Variants in IGF2R observed in about 807,000 individuals in gnomAD.
IGF2R encodes cation-independent mannose-6-phosphate receptor.
IGF2R carries 91 observed loss-of-function variants against 270.6 expected under a neutral mutation model. The ratio of observed to expected loss-of-function variants is 0.34; its 90% CI spans 0.28 to 0.40. The LOEUF (loss-of-function observed/expected upper bound fraction) is 0.40, where lower values mean the gene tolerates loss of function less well. Ranked by LOEUF, IGF2R falls within the 10% of genes least tolerant of loss-of-function variation. The pLI is 1.00. For missense variants in IGF2R, 2,805 were observed against 3,188.3 expected, an observed-to-expected ratio of 0.88 and a Z score of 2.90; for synonymous variants, 1,316 against 1,258.9, an observed-to-expected ratio of 1.05 and a Z score of -0.96.
At chr6:160,028,792 C>G (rs564577528) in intron 6 of IGF2R, among the ~76,000 whole-genome samples, 2 of 148,668 alleles carry the variant, frequency 1.3e-5, no homozygotes, top group South Asian at 4.2e-4. Flanking sequence ...ATTGACTAGC[C>G]TTGTGGGCAA....
In IGF2R at chr6:159,998,355, T is replaced by C. The variant is rs1174931076; in HGVS notation, c.289+7032T>C. Reference sequence around the variant, plus strand: ...CTTACTTGAAGGATAATTTGTGAGCTTGGCCTCACTGGACAAAGTTTGAGT... The same window carrying C: ...CTTACTTGAAGGATAATTTGTGAGCCTGGCCTCACTGGACAAAGTTTGAGT... On this transcript the variant is annotated intron_variant, in intron 2 of 47. Coordinates refer to ENST00000356956, the MANE Select transcript of IGF2R (RefSeq NM_000876.4). The surrounding 1 kb of genome is among the most constrained non-coding windows in gnomAD (Gnocchi z 4.1). 6.6e-6 allele frequency among the ~76,000 whole-genome samples: 1 copy of C among 152,204 alleles called. No individual in the cohort carries two copies. Among genetic ancestry groups the C allele is most frequent in the East Asian group, 1.9e-4 (1 of 5,196 alleles).
rs1314307400 is a variant in IGF2R at position 160,078,218 on chromosome 6, A to G, written c.5334A>G (p.Leu1778=). 1 of 1,614,190 alleles carries G rather than the reference A, an allele frequency of 6.2e-7. No individual in the cohort carries two copies. The highest frequency in any genetic ancestry group is 1.1e-5 in the South Asian group (1 of 91,086). ...RGVSMGTPKL[L]RTSECDFVFE... ...GGCAACAGGGAACGCCTAAGCTGTTAAGGACCAGCGAGTGCGACTTTGTGT... is the reference window on the plus strand; with the variant it reads ...GGCAACAGGGAACGCCTAAGCTGTTGAGGACCAGCGAGTGCGACTTTGTGT... The change falls in exon 37 of 48, where the codon TTA becomes TTG. Residue 1778 remains leucine (L), a synonymous_variant. Coordinates refer to ENST00000356956, the MANE Select transcript of IGF2R (RefSeq NM_000876.4).
chr6:160,035,936 T>C (rs961707462), intron 10 of IGF2R, among the ~76,000 whole-genome samples: 2 of 152,120 alleles, frequency 1.3e-5, no homozygotes, highest in Non-Finnish European at 2.9e-5. Context: ...CCACACTACA[T>C]TGAGGAGCAT....
rs149846440 is a variant in IGF2R at position 160,040,564 on chromosome 6, C to T, written c.1320C>T (p.Asn440=). The T allele has an allele frequency of 1.8e-4, 285 of 1,613,794 alleles. No individual in the cohort carries two copies. The African/African-American group carries it at 3.1e-3, about 18-fold the overall frequency. Residue 440 remains asparagine, a synonymous_variant, in exon 11 of 48, where the codon AAC becomes AAT. Coordinates refer to ENST00000356956, the MANE Select transcript of IGF2R (RefSeq NM_000876.4). ...TTCTCCTCTTGAATTGTGCAGGTAA[C>T]GATGGGAAAGGAACTCCTGTATTCA... ...INFECNKTAG[N]DGKGTPVFTG...
Position 160,046,605 on chromosome 6 carries a change from C to A in IGF2R, c.2011C>A (p.Pro671Thr). ...INVCGPVSVS[P>T]CQPDSGACQV... is the part of the protein sequence containing the mutation. ...TGTGTGTGGCCCGGTGTCTGTGAGC[C>A]CCTGTCAGCCAGACTCAGGAGCCTG... The change falls in exon 15 of 48, where the codon CCC (proline) becomes ACC (threonine). Residue 671 changes from proline to threonine, a missense_variant. Physicochemically the swap from Pro to Thr is conservative, Grantham distance 38. Around this residue, in one of 2 missense-constraint regions of IGF2R, gnomAD observed 954 missense variants for 981.1 expected, o/e 0.97. Coordinates refer to ENST00000356956, the MANE Select transcript of IGF2R (RefSeq NM_000876.4). 2 of 1,613,610 alleles carry A rather than the reference C, an allele frequency of 1.2e-6. No individual in the cohort carries two copies. Among genetic ancestry groups the A allele is most frequent in the Non-Finnish European group, 8.5e-7 (1 of 1,179,932 alleles).
At chr6:160,091,581 T>G (rs566770759) in intron 44 of IGF2R, among the ~76,000 whole-genome samples, 1 of 152,324 alleles carries the variant, frequency 6.6e-6, no homozygotes, top group South Asian at 2.1e-4. Flanking sequence ...GAGTTGATGA[T>G]GGGAAAGTTG....
intron 26 of IGF2R, 100 bp from the exon 27 acceptor site, chr6:160,063,315 G>T (rs754185939): frequency 1.1e-6 from 1 of 890,192 alleles, no homozygotes; most frequent in Non-Finnish European, 1.9e-6. Context: ...GGGATTACAG[G>T]CGTGAGCCAC....
chr6:160,056,674 A>G, intron 20 of IGF2R, 149 bp downstream of exon 20: 1 of 641,652 alleles, frequency 1.6e-6, no homozygotes, highest in Non-Finnish European at 2.8e-6. Context: ...CAGGTCACCC[A>G]GAGTTCCTCT....
At position 160,089,172 on chromosome 6, in the gene IGF2R, C is replaced by A; in HGVS notation, c.6386C>A (p.Pro2129His). Residue 2129 changes from proline to histidine, a missense_variant, in exon 43 of 48, where the codon CCT (proline) becomes CAT (histidine). Pro to His is a moderately conservative substitution (Grantham distance 77). Around this residue, in one of 2 missense-constraint regions of IGF2R, gnomAD observed 1,851 missense variants for 2,207.2 expected, o/e 0.84. Transcript: ENST00000356956. ...TCCCGGGCTGCCTGCGCCGTGAAGC[C>A]TCAGGAGGTGCAGATGGTGAATGGG... The part of the protein sequence containing the change: ...WDSRAACAVK[P>H]QEVQMVNGTI... The A allele has an allele frequency of 6.2e-7, 1 of 1,614,068 alleles. No individual in the cohort carries two copies. The highest frequency in any genetic ancestry group is 8.5e-7 in the Non-Finnish European group (1 of 1,179,924).
intron 44 of IGF2R, chr6:160,095,659 A>G (rs529530519): frequency 3.3e-5 from 5 of 152,414 alleles, no homozygotes; most frequent in Admixed American, 3.3e-4. Context: ...CTAAGGTGGC[A>G]TTCCAAGTCT....
In IGF2R at chr6:160,078,205, C is replaced by T. The variant is rs756185232; in HGVS notation, c.5321C>T (p.Thr1774Met). 33 of 1,613,876 alleles carry T rather than the reference C, an allele frequency of 2.0e-5. 2 individuals carry two copies. The South Asian group carries it at 2.7e-4, about 13-fold the overall frequency. Residue 1774 changes from threonine to methionine, a missense_variant, in exon 37 of 48, where the codon ACG becomes ATG. Transcript: ENST00000356956. ...CCGTGCTCTTCCTGGCAACAGGGAA[C>T]GCCTAAGCTGTTAAGGACCAGCGAG... ...FHCKRGVSMG[T>M]PKLLRTSECD...
chr6:160,000,350 G>A (rs1022424324), intron 2 of IGF2R, among the ~76,000 whole-genome samples: 3 of 152,112 alleles, frequency 2.0e-5, no homozygotes, highest in Non-Finnish European at 4.4e-5. Flanking sequence ...GAGGAGTGGG[G>A]CGGTGCTACA....
At chr6:160,032,473 T>A (rs1477990331) in intron 7 of IGF2R, 78 bp from the exon 8 acceptor site, 1 of 1,357,720 alleles carries the variant, frequency 7.4e-7, no homozygotes, top group African/African-American at 1.5e-5. Context: ...GTCTTTGAGC[T>A]TTTCATAAGT....
intron 22 of IGF2R, 144 bp downstream of exon 22, chr6:160,059,242 T>G: frequency 1.5e-6 from 1 of 645,322 alleles, no homozygotes; most frequent in East Asian, 2.7e-5. Flanking sequence ...GCCATCACGG[T>G]GGTCTTCCTG....
At chr6:160,073,627 G>A (rs1266240559) in intron 34 of IGF2R, 130 bp from the exon 35 acceptor site, 2 of 1,074,258 alleles carry the variant, frequency 1.9e-6, no homozygotes, top group Non-Finnish European at 2.7e-6. Context: ...CCAGTGCTAT[G>A]TAATGAAGCA....
chr6:160,005,833 G>C, intron 2 of IGF2R: 1 of 132,968 alleles, frequency 7.5e-6, no homozygotes, highest in South Asian at 2.7e-4. Context: ...TGTCCCCCAC[G>C]ACTCCTAGGC....
chr6:160,080,293 G>A lies in IGF2R; in HGVS notation c.5833+18G>A, dbSNP rs776551470. 108 of 1,609,790 alleles carry A rather than the reference G, an allele frequency of 6.7e-5. No homozygotes were observed. The highest frequency in any genetic ancestry group is 5.0e-4 in the Admixed American group (30 of 59,808). ...CAGACACTGTGAGTAGGACGGCTCC[G>A]CGTCCCCACATGGCCTGGGGCCTTG... On this transcript the variant is annotated intron_variant, in intron 39 of 47. Transcript: ENST00000356956.
At chr6:160,015,352 A>T (rs1006387775) in intron 4 of IGF2R, among the ~76,000 whole-genome samples, 10 of 152,200 alleles carry the variant, frequency 6.6e-5, no homozygotes, top group African/African-American at 2.4e-4. Flanking sequence ...TTGGAAATAA[A>T]ACTTACAGGA....
Position 159,982,355 on chromosome 6 carries a change from CTTGAATACTCTG to C in IGF2R, c.150-8826_150-8815del, listed in dbSNP as rs565462647. Among the ~76,000 whole-genome samples the C allele has an allele frequency of 2.9e-3, 449 of 152,258 alleles. 1 individual carries two copies. The highest frequency in any genetic ancestry group is 0.01 in the African/African-American group (417 of 41,550). On this transcript the variant is annotated intron_variant, in intron 1 of 47. Coordinates refer to ENST00000356956, the MANE Select transcript of IGF2R (RefSeq NM_000876.4). The stretch of plus-strand genomic sequence containing the variant: ...GGGACAGTAGTGAGCCAGGTGATTT[CTTGAATACTCTG>C]TTAGAGGACTTGCGTGCATGTCGAA...
Sources: allele counts gnomAD v4.1 joint callset (sites outside exome capture counted in the v4.1 genomes callset), GRCh38; gene constraint gnomAD v4.1.1; regional missense constraint gnomAD v4.1.1; non-coding constraint Gnocchi (gnomAD v3.1); transcripts MANE v1.5; gene names NCBI Gene and HGNC (gene_info 2026-07-23, HGNC 2026-07-21).